Variants in TEC observed in about 807,000 individuals in gnomAD.
TEC encodes tyrosine-protein kinase Tec.
In TEC, 72 loss-of-function variants were observed where a neutral mutation model predicts 93.0. That is an observed-to-expected ratio of 0.77 (90% CI 0.64 to 0.94). The LOEUF (loss-of-function observed/expected upper bound fraction) is 0.94. Ranked by LOEUF, TEC falls within the 40% of genes least tolerant of loss-of-function variation. The pLI, the probability that TEC is intolerant of heterozygous loss-of-function variation, is 0.00. For synonymous variants in TEC, 249 were observed against 247.7 expected, an observed-to-expected ratio of 1.01 and a Z score of -0.05; for missense variants, 630 against 757.9, an observed-to-expected ratio of 0.83 and a Z score of 1.98.
At chr4:48,211,833 C>A (rs2109612421) in intron 2 of TEC, among the ~76,000 whole-genome samples, 1 of 152,208 alleles carries the variant, frequency 6.6e-6, no homozygotes, top group Non-Finnish European at 1.5e-5. Flanking sequence ...CACAGTGGCT[C>A]ATGCCTGTAA....
At chr4:48,168,560 A>G in intron 6 of TEC, 26 bp downstream of exon 6, 1 of 1,609,772 alleles carries the variant, frequency 6.2e-7, no homozygotes, top group Non-Finnish European at 8.5e-7. Context: ...GTAAAGATTA[A>G]CTATCAAAAG....
intron 2 of TEC, among the ~76,000 whole-genome samples, chr4:48,200,130 T>C (rs1722449418): frequency 6.6e-6 from 1 of 152,048 alleles, no homozygotes; most frequent in African/African-American, 2.4e-5. Context: ...AAGGAAGTAA[T>C]AGTTAAGCTG....
At chr4:48,169,199 G>A (rs1216131463) in intron 5 of TEC, among the ~76,000 whole-genome samples, 1 of 152,020 alleles carries the variant, frequency 6.6e-6, no homozygotes, top group Non-Finnish European at 1.5e-5. Context: ...TGCTAGAGCT[G>A]GAGCAACCAG....
intron 1 of TEC, among the ~76,000 whole-genome samples, chr4:48,263,046 G>C (rs1419009169): frequency 6.6e-6 from 1 of 152,308 alleles, no homozygotes; most frequent in Non-Finnish European, 1.5e-5. Context: ...GAGCATGCTG[G>C]AAGTTCACAG....
chr4:48,253,212 G>C (rs957591490), intron 1 of TEC, among the ~76,000 whole-genome samples: 2 of 152,100 alleles, frequency 1.3e-5, no homozygotes. Context: ...CAGTAAAACG[G>C]CTAAGTAACT....
At chr4:48,243,259 G>C (rs1723968626) in intron 1 of TEC, among the ~76,000 whole-genome samples, 1 of 152,138 alleles carries the variant, frequency 6.6e-6, no homozygotes, top group African/African-American at 2.4e-5. Context: ...CAAGAACCCT[G>C]ATTTTAGTGG....
chr4:48,227,641 C>CAAA (rs34047322), intron 2 of TEC, among the ~76,000 whole-genome samples: 24 of 84,262 alleles, frequency 2.8e-4, no homozygotes, highest in African/African-American at 4.7e-4. Context: ...GACACTGTCT[C>CAAA]AAAAAAAAAA....
chr4:48,175,290 CA>C (rs1721277251), intron 3 of TEC, among the ~76,000 whole-genome samples: 2 of 152,196 alleles, frequency 1.3e-5, no homozygotes, highest in Admixed American at 6.5e-5. Flanking sequence ...CAATTAAAAA[CA>C]AGCAAAAATT....
At chr4:48,165,221 T>C (rs1720831023) in intron 7 of TEC, among the ~76,000 whole-genome samples, 1 of 152,122 alleles carries the variant, frequency 6.6e-6, no homozygotes, top group Non-Finnish European at 1.5e-5. Flanking sequence ...GAACCAAATA[T>C]ATAAGTATCC....
intron 14 of TEC, among the ~76,000 whole-genome samples, chr4:48,141,932 T>C (rs1349655267): frequency 6.6e-6 from 1 of 152,112 alleles, no homozygotes; most frequent in Non-Finnish European, 1.5e-5. Flanking sequence ...AGGATTATAG[T>C]CACGAGCAAC....
chr4:48,186,709 G>A (rs931037368), intron 2 of TEC, among the ~76,000 whole-genome samples: 1 of 151,036 alleles, frequency 6.6e-6, no homozygotes, highest in African/African-American at 2.4e-5. Context: ...CAGCCGCCCC[G>A]TCCAGGAGGT....
intron 3 of TEC, 112 bp downstream of exon 3, chr4:48,175,970 T>C (rs1456223042): frequency 2.7e-6 from 2 of 736,710 alleles, no homozygotes; most frequent in Non-Finnish European, 4.6e-6. Flanking sequence ...ACTATTAAAG[T>C]GGCAAATGAA....
At chr4:48,177,837 A>G (rs574495454) in intron 2 of TEC, among the ~76,000 whole-genome samples, 2 of 152,138 alleles carry the variant, frequency 1.3e-5, no homozygotes, top group African/African-American at 4.8e-5. Context: ...TGATGGTTTT[A>G]TAAGGGGCTC....
intron 2 of TEC, among the ~76,000 whole-genome samples, chr4:48,189,127 T>C (rs536283726): frequency 2.6e-5 from 4 of 152,364 alleles, no homozygotes; most frequent in Admixed American, 6.5e-5. Context: ...ATTAGATAAA[T>C]AGTGCTTTAC....
At chr4:48,157,548 C>A (rs1330802175) in intron 8 of TEC, among the ~76,000 whole-genome samples, 1 of 152,202 alleles carries the variant, frequency 6.6e-6, no homozygotes, top group Non-Finnish European at 1.5e-5. Context: ...CAGAGTCTTG[C>A]TCCATTACCC....
At chr4:48,235,817 G>A (rs1723767818) in intron 1 of TEC, among the ~76,000 whole-genome samples, 2 of 152,146 alleles carry the variant, frequency 1.3e-5, no homozygotes, top group African/African-American at 4.8e-5. Flanking sequence ...CAATCACTAA[G>A]CACTTTCAAT....
chr4:48,247,521 TATATATTCATAC>T (rs139173089), intron 1 of TEC, among the ~76,000 whole-genome samples: 15,964 of 152,214 alleles, frequency 0.1, 991 homozygotes, highest in East Asian at 0.24. Flanking sequence ...AAACAAAATT[TATATATTCATAC>T]AATGAAATAT....
At chr4:48,256,279 C>G (rs1006105516) in intron 1 of TEC, among the ~76,000 whole-genome samples, 1 of 151,932 alleles carries the variant, frequency 6.6e-6, no homozygotes, top group Non-Finnish European at 1.5e-5. Context: ...CACCGCCCAC[C>G]CTGCTAAAAA....
rs556688008 is a variant in TEC, at chr4:48,196,583, G to A, written c.139-20397C>T. Among the ~76,000 whole-genome samples the A allele has an allele frequency of 2.9e-3, 446 of 152,254 alleles. 4 individuals carry two copies. The highest frequency in any genetic ancestry group is 0.01 in the African/African-American group (428 of 41,570). ...ACTAGCCCTTAGGAAACCTAAAAGCGAGAGCCACTAGTTTTGATTAAGAAA... is the reference window on the plus strand; with the variant it reads ...ACTAGCCCTTAGGAAACCTAAAAGCAAGAGCCACTAGTTTTGATTAAGAAA... On this transcript the variant is annotated intron_variant, in intron 2 of 17. Coordinates refer to ENST00000381501, the MANE Select transcript of TEC (RefSeq NM_003215.3).
Sources: allele counts gnomAD v4.1 joint callset (sites outside exome capture counted in the v4.1 genomes callset), GRCh38; gene constraint gnomAD v4.1.1; transcripts MANE v1.5; gene names NCBI Gene and HGNC (gene_info 2026-07-23, HGNC 2026-07-21).